Variants in HTRA1 observed in about 807,000 individuals in gnomAD.
HTRA1 encodes HtrA serine peptidase 1.
In HTRA1, 26 loss-of-function variants were observed where a neutral mutation model predicts 49.7. That is an observed-to-expected ratio of 0.52 (90% confidence interval 0.38 to 0.73). The LOEUF (loss-of-function observed/expected upper bound fraction) is 0.73, where lower values mean the gene tolerates loss of function less well. Among genes scored for constraint, HTRA1 ranks in the 30% least tolerant of loss-of-function variants. The probability of loss-of-function intolerance (pLI) is 0.00; values close to 1 mark genes in which losing one functional copy is unlikely to be tolerated. For synonymous variants in HTRA1, 291 were observed against 286.9 expected (o/e 1.01, Z -0.14); for missense variants, 561 against 667.2 (o/e 0.84, Z 1.75).
intron 1 of HTRA1, among the ~76,000 whole-genome samples, chr10:122,466,683 G>C (rs2672597): frequency 6.6e-6 from 1 of 151,922 alleles, no homozygotes; most frequent in Admixed American, 6.6e-5. Flanking sequence ...CAGTTTGCTC[G>C]AGAGTCATTT....
At chr10:122,476,531 G>T (rs2097488539) in intron 1 of HTRA1, among the ~76,000 whole-genome samples, 1 of 152,226 alleles carries the variant, frequency 6.6e-6, no homozygotes, top group East Asian at 1.9e-4. Context: ...GTAAAGTTCA[G>T]TGGCGGGGAC....
Position 122,461,732 on chromosome 10 carries a change from C to T in HTRA1, c.80C>T (p.Ala27Val). 2 of 1,175,550 alleles carry T rather than the reference C, an allele frequency of 1.7e-6. No homozygotes were observed. Among genetic ancestry groups the T allele is most frequent in the South Asian group, 2.1e-5 (1 of 47,220 alleles). 72.8% of individuals were successfully genotyped at this position (1,175,550 alleles called of 1,614,324 possible). A position where few individuals can be genotyped will look rare whatever the true frequency, so the allele number is the denominator to read the frequency against. Residue 27 changes from alanine to valine, a missense_variant, in exon 1 of 9, where the codon GCC becomes GTC. Transcript: ENST00000368984. ...AAPASAQLSR[A>V]GRSAPLAAGC... ...CCCGCCTCGGCGCAGCTGTCCCGGG[C>T]CGGCCGCTCGGCGCCTTTGGCCGCC...
chr10:122,502,176 C>T (rs1457583926), intron 3 of HTRA1, among the ~76,000 whole-genome samples: 4 of 151,850 alleles, frequency 2.6e-5, no homozygotes, highest in South Asian at 2.1e-4. Flanking sequence ...AGACAAAAGC[C>T]GAGAGGGCAA....
At position 122,462,090 on chromosome 10, in the gene HTRA1, G is replaced by T; in HGVS notation, c.438G>T (p.Pro146=). 6.5e-7 allele frequency: 1 copy of T among 1,534,376 alleles called. No individual in the cohort carries two copies. The highest frequency in any genetic ancestry group is 8.7e-7 in the Non-Finnish European group (1 of 1,146,554). Residue 146 remains proline, a synonymous_variant, in exon 1 of 9, where the codon CCG becomes CCT. Coordinates refer to ENST00000368984, the MANE Select transcript of HTRA1 (RefSeq NM_002775.5). Reference sequence around the variant, plus strand: ...GCTCCGAGAGGCTGCACCGGCCGCCGGTCATCGTCCTGCAGCGCGGAGCCT... The same window carrying T: ...GCTCCGAGAGGCTGCACCGGCCGCCTGTCATCGTCCTGCAGCGCGGAGCCT... ...SRRSERLHRP[P]VIVLQRGACG...
intron 1 of HTRA1, among the ~76,000 whole-genome samples, chr10:122,472,672 G>A (rs2097486669): frequency 6.6e-6 from 1 of 152,180 alleles, no homozygotes; most frequent in Non-Finnish European, 1.5e-5. Flanking sequence ...GGGGATTACA[G>A]GCATGAGCTA....
Position 122,508,529 on chromosome 10 carries a change from C to T in HTRA1, c.1006-127C>T, listed in dbSNP as rs2097504164. 4.4e-5 allele frequency: 34 copies of T among 773,056 alleles called. No homozygotes were observed. The South Asian group carries it at 4.7e-4, about 11-fold the overall frequency. 47.9% of individuals were successfully genotyped at this position (773,056 alleles called of 1,614,324 possible). On this transcript the variant is annotated intron_variant, in intron 5 of 8. Coordinates refer to ENST00000368984, the MANE Select transcript of HTRA1 (RefSeq NM_002775.5). ...CTCTCCCTGCTGCCACGGGGATCCC[C>T]TCCTTGCATCTCCCCACTTCGATCT... is the stretch of plus-strand genomic sequence containing the variant.
chr10:122,514,068 C>G, intron 8 of HTRA1, 123 bp from the exon 9 acceptor site: 1 of 980,898 alleles, frequency 1.0e-6, no homozygotes, highest in East Asian at 2.4e-5. Flanking sequence ...TCTAAGTTCG[C>G]CACCGTCCAA....
chr10:122,498,200 T>C (rs2097499526), intron 3 of HTRA1, among the ~76,000 whole-genome samples: 1 of 152,066 alleles, frequency 6.6e-6, no homozygotes, highest in South Asian at 2.1e-4. Flanking sequence ...TTTCCTTTTT[T>C]CTCCCTTCAT....
rs1030451226 is a variant in HTRA1 at position 122,464,231 on chromosome 10, C to A, written c.472+2107C>A. 6.6e-6 allele frequency among the ~76,000 whole-genome samples: 1 copy of A among 152,136 alleles called. No homozygotes were observed. Among genetic ancestry groups the A allele is most frequent in the Non-Finnish European group, 1.5e-5 (1 of 68,042 alleles). On this transcript the variant is annotated intron_variant, in intron 1 of 8. Coordinates refer to ENST00000368984, the MANE Select transcript of HTRA1 (RefSeq NM_002775.5). This position sits in a 1 kb window ranked among gnomAD's most constrained non-coding sequence, Gnocchi z 4.8. ...CCTGAGTTGCTGGCACCATGCGAGC[C>A]GCCTAATTTATTGCTAGTGAGGCAA...
Position 122,464,994 on chromosome 10 carries a change from C to T in HTRA1, c.472+2870C>T, listed in dbSNP as rs1414804309. Among the ~76,000 whole-genome samples the T allele has an allele frequency of 2.0e-5, 3 of 152,186 alleles. No homozygotes were observed. The highest frequency in any genetic ancestry group is 4.4e-5 in the Non-Finnish European group (3 of 68,038). ...TAAGGTGGCTTTGTCTGGGGCAGAG[C>T]ATGCCAGGGGATGAGAGGTAGAAAT... On this transcript the variant is annotated intron_variant, in intron 1 of 8. Coordinates refer to ENST00000368984, the MANE Select transcript of HTRA1 (RefSeq NM_002775.5). This position sits in a 1 kb window ranked among gnomAD's most constrained non-coding sequence, Gnocchi z 4.8.
At chr10:122,503,176 G>T (rs1012067219) in intron 3 of HTRA1, among the ~76,000 whole-genome samples, 1 of 152,336 alleles carries the variant, frequency 6.6e-6, no homozygotes, top group Non-Finnish European at 1.5e-5. Flanking sequence ...GACTCAGAGT[G>T]CGTGGGCCCC....
At chr10:122,474,360 C>A (rs1271632851) in intron 1 of HTRA1, among the ~76,000 whole-genome samples, 1 of 152,134 alleles carries the variant, frequency 6.6e-6, no homozygotes, top group African/African-American at 2.4e-5. Context: ...GTTCCCCTCG[C>A]ATGGGGGCTG....
intron 1 of HTRA1, among the ~76,000 whole-genome samples, chr10:122,469,888 A>G (rs528826389): frequency 5.9e-5 from 9 of 152,156 alleles, no homozygotes; most frequent in Admixed American, 1.3e-4. Context: ...GTTTCCAGCT[A>G]TCTTTCTGTT....
At position 122,472,907 on chromosome 10, in the gene HTRA1, A is replaced by T. The variant is rs1482173192; in HGVS notation, c.472+10783A>T. Among the ~76,000 whole-genome samples the T allele has an allele frequency of 2.6e-5, 4 of 152,202 alleles. No homozygotes were observed. In the East Asian group the frequency reaches 5.8e-4, roughly 22 times the overall value. ...GATATGGAATTTTTATGGATCTGGT[A>T]TAAATTGCCAAATTATTTTCCAGAA... is the stretch of plus-strand genomic sequence containing the variant. On this transcript the variant is annotated intron_variant, in intron 1 of 8. Transcript: ENST00000368984.
intron 1 of HTRA1, among the ~76,000 whole-genome samples, chr10:122,475,024 T>A (rs982455503): frequency 6.6e-6 from 1 of 152,248 alleles, no homozygotes; most frequent in Non-Finnish European, 1.5e-5. Context: ...AGATCTAGGC[T>A]GTGCTTGTGA....
rs1287521208 is a variant in HTRA1 at position 122,496,225 on chromosome 10, G to GTTTTTTTTTTTTTTTTTT, written c.777+6601_777+6602insTTTTTTTTTTTTTTTTTT. Among the ~76,000 whole-genome samples the GTTTTTTTTTTTTTTTTTT allele has an allele frequency of 5.1e-3, 407 of 80,402 alleles. 162 individuals carry two copies. Among genetic ancestry groups the GTTTTTTTTTTTTTTTTTT allele is most frequent in the African/African-American group, 7.5e-3 (147 of 19,656 alleles). 52.7% of individuals were successfully genotyped at this position (80,402 alleles called of 152,430 possible). On this transcript the variant is annotated intron_variant, in intron 3 of 8. Coordinates refer to ENST00000368984, the MANE Select transcript of HTRA1 (RefSeq NM_002775.5). Reference sequence around the variant, plus strand: ...CCCTTTCGTTTGCCAGAGATTGTGGGTTCTTTTTTTTTTTTTTTTTTTTTT... The same window carrying GTTTTTTTTTTTTTTTTTT: ...CCCTTTCGTTTGCCAGAGATTGTGGGTTTTTTTTTTTTTTTTTTTTCTTTTTTTTTTTTTTTTTTTTTT...
intron 1 of HTRA1, among the ~76,000 whole-genome samples, chr10:122,468,080 G>A (rs1025856752): frequency 6.6e-6 from 1 of 152,226 alleles, no homozygotes; most frequent in Admixed American, 6.5e-5. Context: ...CACCTACTGT[G>A]TGCTCAGAAG....
chr10:122,511,896 G>A (rs1441506294), intron 7 of HTRA1, 74 bp from the exon 8 acceptor site: 5 of 1,041,960 alleles, frequency 4.8e-6, no homozygotes, highest in Non-Finnish European at 6.1e-6. Context: ...ACGGGAACTG[G>A]TGAGAGCTGA....
At chr10:122,488,341 G>A (rs2097493988) in intron 1 of HTRA1, among the ~76,000 whole-genome samples, 1 of 152,160 alleles carries the variant, frequency 6.6e-6, no homozygotes, top group Admixed American at 6.5e-5. Context: ...GCCGAGGCAG[G>A]TGGATCACCT....
Sources: allele counts gnomAD v4.1 joint callset (sites outside exome capture counted in the v4.1 genomes callset), GRCh38; gene constraint gnomAD v4.1.1; non-coding constraint Gnocchi (gnomAD v3.1); transcripts MANE v1.5; gene names NCBI Gene and HGNC (gene_info 2026-07-23, HGNC 2026-07-21).